Variants in PTPRT observed in about 807,000 individuals in gnomAD.
PTPRT encodes receptor-type tyrosine-protein phosphatase T.
PTPRT carries 56 observed loss-of-function variants against 176.8 expected under a neutral mutation model. The observed-to-expected ratio is 0.32, with a 90% CI of 0.26 to 0.40. The LOEUF (loss-of-function observed/expected upper bound fraction) is 0.40. Ranked by LOEUF, PTPRT falls within the 10% of genes least tolerant of loss-of-function variation. PTPRT has a pLI of 1.00. For missense variants in PTPRT, 1,540 were observed against 1,908.2 expected (o/e 0.81, Z 3.60); for synonymous variants, 783 against 739.0 (o/e 1.06, Z -0.96).
chr20:42,797,548 C>G lies in PTPRT; in HGVS notation c.215-6082G>C, dbSNP rs560804685. Among the ~76,000 whole-genome samples, 547 of 151,940 alleles carry G rather than the reference C, an allele frequency of 3.6e-3. 1 individual carries two copies. Among genetic ancestry groups the G allele is most frequent in the Middle Eastern group, 0.034 (10 of 292 alleles). ...GAAGACTATCTCTCCCACCCTCCCCCGCAAACACAGTCCTCGGCCACTTTG... is the reference window on the plus strand; with the variant it reads ...GAAGACTATCTCTCCCACCCTCCCCGGCAAACACAGTCCTCGGCCACTTTG... On this transcript the variant is annotated intron_variant, in intron 2 of 30. Transcript: ENST00000373187.
the PTPRT span, among the ~76,000 whole-genome samples, chr20:42,062,627 T>G: frequency 3.3e-5 from 5 of 152,344 alleles, no homozygotes; most frequent in South Asian, 1.0e-3. Flanking sequence ...TCTCAAGCCC[T>G]TATTCCACAA....
intron 1 of PTPRT, among the ~76,000 whole-genome samples, chr20:43,048,884 A>G (rs1014152627): frequency 5.9e-5 from 9 of 152,178 alleles, no homozygotes; most frequent in Non-Finnish European, 1.3e-4. Context: ...GACCCTCACG[A>G]AGACACCTGC....
At chr20:42,356,432 C>T (rs887525880) in intron 9 of PTPRT, among the ~76,000 whole-genome samples, 4 of 152,166 alleles carry the variant, frequency 2.6e-5, no homozygotes, top group Non-Finnish European at 5.9e-5. Flanking sequence ...CAGTGGCTCG[C>T]ACCTGTAATC....
At chr20:43,140,782 G>C (rs1342431904) in intron 1 of PTPRT, among the ~76,000 whole-genome samples, 16 of 152,198 alleles carry the variant, frequency 1.1e-4, no homozygotes, top group Admixed American at 3.9e-4. Context: ...GAGCCACTGT[G>C]TGTGAAATTA....
At chr20:42,944,571 C>T (rs1186892076) in intron 1 of PTPRT, among the ~76,000 whole-genome samples, 7 of 152,148 alleles carry the variant, frequency 4.6e-5, no homozygotes, top group Non-Finnish European at 2.9e-5. Context: ...ACTGGTCTTC[C>T]TACAGCTCTT....
At position 42,399,294 on chromosome 20, in the gene PTPRT, G is replaced by A. The variant is rs146960845; in HGVS notation, c.1561-47009C>T. 2.0e-3 allele frequency among the ~76,000 whole-genome samples: 302 copies of A among 152,324 alleles called. 1 individual carries two copies. The highest frequency in any genetic ancestry group is 0.017 in the Middle Eastern group (5 of 294). ...CCATTACTATAACACTTTATGCATT[G>A]TAACAGATTATCTATCACAAAGGTC... On this transcript the variant is annotated intron_variant, in intron 9 of 30. Coordinates refer to ENST00000373187, the MANE Select transcript of PTPRT (RefSeq NM_007050.6).
At chr20:42,212,814 A>G (rs2055676796) in intron 15 of PTPRT, among the ~76,000 whole-genome samples, 1 of 152,204 alleles carries the variant, frequency 6.6e-6, no homozygotes, top group Admixed American at 6.5e-5. Context: ...GTTAGTTTAA[A>G]TAACCTCATT....
chr20:42,317,099 T>G (rs1316093091), intron 11 of PTPRT, among the ~76,000 whole-genome samples: 1 of 152,186 alleles, frequency 6.6e-6, no homozygotes, highest in Non-Finnish European at 1.5e-5. Context: ...TCAAATGAAT[T>G]AAATTGGATT....
intron 2 of PTPRT, among the ~76,000 whole-genome samples, chr20:42,837,128 C>T (rs1487242281): frequency 2.6e-5 from 4 of 152,174 alleles, no homozygotes; most frequent in African/African-American, 7.2e-5. Context: ...AAAGCAGGGA[C>T]GTGGGCGTCC....
intron 1 of PTPRT, among the ~76,000 whole-genome samples, chr20:43,185,344 G>A (rs1222902883): frequency 6.6e-6 from 1 of 152,140 alleles, no homozygotes; most frequent in African/African-American, 2.4e-5. Flanking sequence ...GTGCTGTGCA[G>A]TTGATCTCCA....
intron 7 of PTPRT, among the ~76,000 whole-genome samples, chr20:42,614,937 AT>A (rs1190764802): frequency 7.2e-4 from 89 of 123,546 alleles, no homozygotes; most frequent in East Asian, 1.1e-3. Context: ...TTTTTTTTCT[AT>A]TTTTTTTTTA....
chr20:42,564,623 G>A (rs2145662702), intron 7 of PTPRT, among the ~76,000 whole-genome samples: 1 of 152,214 alleles, frequency 6.6e-6, no homozygotes, highest in Non-Finnish European at 1.5e-5. Flanking sequence ...AAGGCATTAA[G>A]ACAAATACCT....
intron 2 of PTPRT, among the ~76,000 whole-genome samples, chr20:42,852,744 T>A (rs1283050227): frequency 6.6e-6 from 1 of 152,176 alleles, no homozygotes; most frequent in Non-Finnish European, 1.5e-5. Context: ...ATCTGACCTA[T>A]CAACATGCCT....
chr20:42,576,381 C>T (rs1017433285), intron 7 of PTPRT, among the ~76,000 whole-genome samples: 1 of 152,182 alleles, frequency 6.6e-6, no homozygotes, highest in African/African-American at 2.4e-5. Context: ...CATATCTACG[C>T]CTTGCAGCAC....
chr20:42,282,559 A>G, intron 12 of PTPRT, 34 bp from the exon 13 acceptor site: 2 of 1,566,694 alleles, frequency 1.3e-6, no homozygotes, highest in Non-Finnish European at 1.7e-6. Flanking sequence ...CCAATTAATT[A>G]GCTGTGAGTT....
intron 16 of PTPRT, among the ~76,000 whole-genome samples, chr20:42,192,754 G>A (rs957839059): frequency 6.6e-6 from 1 of 152,202 alleles, no homozygotes; most frequent in Non-Finnish European, 1.5e-5. Flanking sequence ...TCTCTGTTAG[G>A]CAGGGGCCAT....
At chr20:42,730,631 G>A (rs1014440295) in intron 6 of PTPRT, among the ~76,000 whole-genome samples, 1 of 152,070 alleles carries the variant, frequency 6.6e-6, no homozygotes, top group Non-Finnish European at 1.5e-5. Flanking sequence ...TTCACTTTGT[G>A]GTAAACACTG....
At chr20:42,645,788 G>GTGTGTA (rs2074881432) in intron 7 of PTPRT, among the ~76,000 whole-genome samples, 1 of 151,780 alleles carries the variant, frequency 6.6e-6, no homozygotes, top group Non-Finnish European at 1.5e-5. Flanking sequence ...GTGTGTGTGT[G>GTGTGTA]TGTGTGTGTG....
intron 19 of PTPRT, among the ~76,000 whole-genome samples, chr20:42,121,548 G>C (rs1293000662): frequency 6.6e-6 from 1 of 152,098 alleles, no homozygotes; most frequent in Admixed American, 6.5e-5. Context: ...AGCTGCCTGG[G>C]TTTGAACGCT....
Sources: gnomAD v4.1 joint callset for allele counts (sites outside exome capture counted in the v4.1 genomes callset) on GRCh38, gnomAD v4.1.1 for gene constraint, MANE v1.5 for transcripts, NCBI Gene and HGNC (gene_info 2026-07-23, HGNC 2026-07-21) for gene names.